Variants in GLDN observed in about 807,000 individuals in gnomAD.
GLDN encodes the protein collomin.
Under a neutral mutation model 56.5 loss-of-function variants are expected in GLDN, and 47 were observed. The observed-to-expected ratio is 0.83, with a 90% confidence interval of 0.66 to 1.06. GLDN has a LOEUF of 1.06. Ranked by LOEUF, GLDN falls within the 50% of genes least tolerant of loss-of-function variation. The pLI is 0.00. For missense variants in GLDN, 782 were observed against 714.3 expected (o/e 1.09, Z -1.08); for synonymous variants, 332 against 278.8 (o/e 1.19, Z -1.90).
intron 5 of GLDN, 53 bp downstream of exon 5, chr15:51,395,034 G>T (rs900231221): frequency 2.0e-6 from 3 of 1,485,586 alleles, no homozygotes; most frequent in Middle Eastern, 2.0e-4. Context: ...CCAGAGAACT[G>T]CCTGGCTTCC....
At chr15:51,391,373 C>T (rs1381167585) in intron 4 of GLDN, among the ~76,000 whole-genome samples, 2 of 152,170 alleles carry the variant, frequency 1.3e-5, no homozygotes, top group Admixed American at 6.5e-5. Flanking sequence ...CTGTTTGTGA[C>T]TAGAATAAAT....
rs2038365099 is a variant in GLDN at position 51,405,717 on chromosome 15, C to A, written c.*963C>A. 6.6e-6 allele frequency: 1 copy of A among 152,218 alleles called. No individual in the cohort carries two copies. Among genetic ancestry groups the A allele is most frequent in the African/African-American group, 2.4e-5 (1 of 41,454 alleles). The allele number at this position is 152,218 out of a possible 1,614,324, so 9.4% of individuals were successfully genotyped here. On this transcript the variant is annotated 3_prime_UTR_variant, in exon 10 of 10. Coordinates refer to ENST00000335449, the MANE Select transcript of GLDN (RefSeq NM_181789.4). Reference sequence around the variant, plus strand: ...AAATGCTGTGTAAGTAGACGTTAATCTGGCTGGAACCATGGGAAGCACTTT... The same window carrying A: ...AAATGCTGTGTAAGTAGACGTTAATATGGCTGGAACCATGGGAAGCACTTT...
intron 4 of GLDN, 22 bp downstream of exon 4, chr15:51,383,914 A>G: frequency 6.7e-7 from 1 of 1,498,014 alleles, no homozygotes; most frequent in South Asian, 1.2e-5. Context: ...AACTCTTCTA[A>G]TTAATTTCCC....
chr15:51,354,906 T>C (rs1212096966), intron 1 of GLDN, among the ~76,000 whole-genome samples: 2 of 152,206 alleles, frequency 1.3e-5, no homozygotes, highest in Non-Finnish European at 2.9e-5. Flanking sequence ...AGTTAGAAAG[T>C]TATTACATTA....
intron 1 of GLDN, among the ~76,000 whole-genome samples, chr15:51,349,934 G>A (rs1276681695): frequency 3.9e-5 from 6 of 151,984 alleles, no homozygotes; most frequent in African/African-American, 1.2e-4. Context: ...TAGTAGAGAC[G>A]GGGTTTCACC....
chr15:51,366,194 C>G (rs1170006404), intron 1 of GLDN, among the ~76,000 whole-genome samples: 1 of 152,160 alleles, frequency 6.6e-6, no homozygotes, highest in Non-Finnish European at 1.5e-5. Flanking sequence ...CCAAACACAG[C>G]CATATTGGGA....
rs967549958 is a variant in GLDN, at chr15:51,404,801, A to T, written c.*47A>T. The T allele has an allele frequency of 4.2e-6, 4 of 947,654 alleles. No individual in the cohort carries two copies. Among genetic ancestry groups the T allele is most frequent in the Non-Finnish European group, 6.6e-6 (4 of 604,510 alleles). The allele number at this position is 947,654 out of a possible 1,614,324, so 58.7% of individuals were successfully genotyped here. ...CAGCAAATTTCAGGGGTTTTCTGGG[A>T]CCAGTTCTCCCCCAACAGGAAACTT... On this transcript the variant is annotated 3_prime_UTR_variant, in exon 10 of 10. Transcript: ENST00000335449.
chr15:51,397,714 A>G, intron 6 of GLDN, 116 bp downstream of exon 6: 10 of 1,255,442 alleles, frequency 8.0e-6, no homozygotes, highest in Non-Finnish European at 1.0e-5. Context: ...GGTTTTGTCC[A>G]AAATGAAAGT....
intron 1 of GLDN, among the ~76,000 whole-genome samples, chr15:51,344,173 C>T (rs1045206547): frequency 1.1e-4 from 17 of 152,198 alleles, no homozygotes; most frequent in African/African-American, 4.1e-4. Flanking sequence ...ATTTGGGGAG[C>T]TTTCAAACTT....
intron 6 of GLDN, among the ~76,000 whole-genome samples, chr15:51,399,513 C>A (rs1316233394): frequency 6.6e-6 from 1 of 152,182 alleles, no homozygotes; most frequent in African/African-American, 2.4e-5. Context: ...ACACTGATAA[C>A]CTGAGGAGGA....
At position 51,353,713 on chromosome 15, in the gene GLDN, TTAAAA is replaced by T. The variant is rs1199470153; in HGVS notation, c.363+11667_363+11671del. ...CTATCAGAACAGTCCTCGGATTTGA[TTAAAA>T]AAAAAAAAAAAAAAAACCACAGTCA... On this transcript the variant is annotated intron_variant, in intron 1 of 9. Transcript: ENST00000335449. Among the ~76,000 whole-genome samples the T allele has an allele frequency of 2.4e-3, 193 of 80,514 alleles. 4 individuals are homozygous for T. The highest frequency in any genetic ancestry group is 0.021 in the Admixed American group (147 of 7,096). The allele number at this position is 80,514 out of a possible 152,430, so 52.8% of individuals were successfully genotyped here.
chr15:51,366,904 A>G (rs2037414889), intron 1 of GLDN, among the ~76,000 whole-genome samples: 1 of 152,026 alleles, frequency 6.6e-6, no homozygotes, highest in South Asian at 2.1e-4. Context: ...TGAATTGAGG[A>G]TTTTTCAGAA....
At chr15:51,342,336 ATTTTCCTTCTCAGC>A (rs1202247092) in intron 1 of GLDN, among the ~76,000 whole-genome samples, 8 of 152,138 alleles carry the variant, frequency 5.3e-5, no homozygotes, top group African/African-American at 1.9e-4. Context: ...CTAAGAGCCT[ATTTTCCTTCTCAGC>A]TTAGACAAGT....
intron 4 of GLDN, chr15:51,384,537 C>T (rs2470181): frequency 0.78 from 120,294 of 154,144 alleles, 47,496 homozygotes; most frequent in Non-Finnish European, 0.84. Context: ...CACCAAGGCA[C>T]GAGATGTGCC....
chr15:51,404,521 G>C lies in GLDN; in HGVS notation c.1423G>C (p.Ala475Pro), dbSNP rs764239923. ...TTYPKSKAGN[A>P]FIARGILYVT... is the part of the protein sequence containing the mutation. ...GTACCCTAAATCCAAGGCTGGCAACGCCTTCATTGCCCGAGGAATCCTCTA... is the reference window on the plus strand; with the variant it reads ...GTACCCTAAATCCAAGGCTGGCAACCCCTTCATTGCCCGAGGAATCCTCTA... The change falls in exon 10 of 10, where the codon GCC becomes CCC. Residue 475 changes from alanine to proline, a missense_variant. Transcript: ENST00000335449. The C allele has an allele frequency of 3.1e-6, 5 of 1,614,090 alleles. No individual in the cohort carries two copies. The highest frequency in any genetic ancestry group is 1.6e-4 in the Middle Eastern group (1 of 6,062).
intron 1 of GLDN, among the ~76,000 whole-genome samples, chr15:51,363,208 A>T (rs1595810796): frequency 1.3e-5 from 2 of 152,094 alleles, no homozygotes; most frequent in Admixed American, 6.5e-5. Context: ...AATCATGGAG[A>T]TGCTAAGCAT....
At chr15:51,358,291 G>C (rs576694365) in intron 1 of GLDN, among the ~76,000 whole-genome samples, 1 of 152,314 alleles carries the variant, frequency 6.6e-6, no homozygotes, top group Admixed American at 6.5e-5. Context: ...ATTTGCCAGT[G>C]CCTACCCTAA....
intron 9 of GLDN, 93 bp downstream of exon 9, chr15:51,401,836 A>T: frequency 1.7e-6 from 2 of 1,161,898 alleles, no homozygotes; most frequent in Non-Finnish European, 2.4e-6. Flanking sequence ...CTGTGTTTTC[A>T]TCATCTTTGT....
intron 2 of GLDN, 101 bp from the exon 3 acceptor site, chr15:51,383,335 G>C: frequency 1.6e-6 from 2 of 1,271,204 alleles, no homozygotes; most frequent in Non-Finnish European, 2.3e-6. Context: ...CAAATCCATT[G>C]CTTAGGGTCA....
Sources: allele counts gnomAD v4.1 joint callset (sites outside exome capture counted in the v4.1 genomes callset), GRCh38; gene constraint gnomAD v4.1.1; transcripts MANE v1.5; gene names NCBI Gene and HGNC (gene_info 2026-07-23, HGNC 2026-07-21).